Variants in SLC38A8 observed in about 807,000 individuals in gnomAD.
SLC38A8 encodes the protein amino acid transporter SLC38A8.
A neutral mutation model predicts 46.0 loss-of-function variants in SLC38A8; 65 were observed. The observed-to-expected ratio is 1.41, with a 90% CI of 1.16 to 1.74. SLC38A8 has a LOEUF of 1.74. SLC38A8 is among the 40% of genes most tolerant of loss of function. SLC38A8 has a pLI of 0.00. For missense variants in SLC38A8, 998 were observed against 567.9 expected (o/e 1.76, Z -7.70); for synonymous variants, 447 against 243.7 (o/e 1.83, Z -7.77).
intron 10 of SLC38A8, among the ~76,000 whole-genome samples, chr16:84,011,932 C>G (rs1207924787): frequency 6.6e-6 from 1 of 152,082 alleles, no homozygotes; most frequent in African/African-American, 2.4e-5. Flanking sequence ...CGCAGAGACA[C>G]AGGGAGAAAG....
intron 6 of SLC38A8, among the ~76,000 whole-genome samples, chr16:84,026,387 C>T (rs189654765): frequency 1.9e-4 from 29 of 152,282 alleles, no homozygotes; most frequent in Admixed American, 1.4e-3. Flanking sequence ...CCGCCATGCC[C>T]GGCTAATTTT....
intron 6 of SLC38A8, among the ~76,000 whole-genome samples, chr16:84,025,440 C>T (rs2085151090): frequency 6.6e-6 from 1 of 152,178 alleles, no homozygotes; most frequent in African/African-American, 2.4e-5. Flanking sequence ...GGCTGGTTTC[C>T]TCTCTCACAC....
At chr16:84,029,429 G>A (rs62045928) in intron 6 of SLC38A8, 65 bp downstream of exon 6, 133,556 of 1,565,270 alleles carry the variant, frequency 0.085, 7,983 homozygotes, top group African/African-American at 0.3. Context: ...GGTTTCCCAA[G>A]GGAGCAGAGA....
intron 4 of SLC38A8, among the ~76,000 whole-genome samples, chr16:84,032,658 C>T (rs896646503): frequency 1.3e-5 from 2 of 152,214 alleles, no homozygotes. Flanking sequence ...CTGAGTGGCA[C>T]GAGAGCCTTG....
intron 6 of SLC38A8, among the ~76,000 whole-genome samples, chr16:84,025,455 C>G (rs1427421760): frequency 4.6e-5 from 7 of 152,196 alleles, no homozygotes; most frequent in African/African-American, 1.4e-4. Flanking sequence ...TCACACAGCC[C>G]GTGTCCTCAA....
rs1314001520 is a variant in SLC38A8 at position 84,039,742 on chromosome 16, TCAAAAAAAAAAAA to T, written c.189+2214_189+2226del. Among the ~76,000 whole-genome samples, 369 of 27,546 alleles carry T rather than the reference TCAAAAAAAAAAAA, an allele frequency of 0.013. 3 individuals are homozygous for T. In the Middle Eastern group the frequency reaches 0.15, roughly 11 times the overall value. The allele number at this position is 27,546 out of a possible 152,430, so 18.1% of individuals were successfully genotyped here. ...CAGCCTGGGCAAGAGAGTGAGACCTTCAAAAAAAAAAAAAAAAAAAAAAAAAGGCAGGGGAAGG... is the reference window on the plus strand; with the variant it reads ...CAGCCTGGGCAAGAGAGTGAGACCTTAAAAAAAAAAAAAGGCAGGGGAAGG... On this transcript the variant is annotated intron_variant, in intron 2 of 10. Transcript: ENST00000299709.
chr16:84,023,939 T>C (rs2085127235), intron 6 of SLC38A8, among the ~76,000 whole-genome samples: 1 of 152,188 alleles, frequency 6.6e-6, no homozygotes, highest in African/African-American at 2.4e-5. Flanking sequence ...CGTTAATGGA[T>C]GCGAAGTCCA....
chr16:84,018,221 TCC>T (rs2085054403), intron 7 of SLC38A8, among the ~76,000 whole-genome samples: 1 of 139,344 alleles, frequency 7.2e-6, no homozygotes, highest in South Asian at 2.3e-4. Context: ...CAGCCCTCAT[TCC>T]TTTTTTTTTT....
intron 3 of SLC38A8, 104 bp from the exon 4 acceptor site, chr16:84,033,573 A>T (rs531338027): frequency 6.0e-6 from 8 of 1,340,922 alleles, no homozygotes; most frequent in Non-Finnish European, 8.1e-6. Context: ...ATCCACCCTC[A>T]GCCAGCCCCA....
At chr16:84,040,796 G>C (rs967801005) in intron 2 of SLC38A8, among the ~76,000 whole-genome samples, 1 of 151,964 alleles carries the variant, frequency 6.6e-6, no homozygotes, top group Admixed American at 6.6e-5. Flanking sequence ...TGACCCTCCC[G>C]GCATGATCCA....
chr16:84,036,831 TG>T lies in SLC38A8; in HGVS notation c.258del (p.Thr87ProfsTer28). ...AGCCCCCTGACCACACCCTGGTAGG[TG>T]GCCTGGCCACTGACAGCAGCAGCAT... is the stretch of plus-strand genomic sequence containing the variant. ...LGYAAAVSGQ[A>X]TYQGVVRGLC... On this transcript the variant is annotated frameshift_variant, in exon 3 of 11. Coordinates refer to ENST00000299709, the MANE Select transcript of SLC38A8 (RefSeq NM_001080442.3). LOFTEE classifies it high-confidence loss of function. The T allele has an allele frequency of 6.2e-7, 1 of 1,613,928 alleles. No individual in the cohort carries two copies. The highest frequency in any genetic ancestry group is 8.5e-7 in the Non-Finnish European group (1 of 1,180,000).
Position 84,033,448 on chromosome 16 carries a change from C to T in SLC38A8, c.410G>A (p.Gly137Asp). 1 of 1,608,346 alleles carries T rather than the reference C, an allele frequency of 6.2e-7. No homozygotes were observed. Among genetic ancestry groups the T allele is most frequent in the Non-Finnish European group, 8.5e-7 (1 of 1,177,538 alleles). ...CCACGGCTGCGGGGCGGGCGGGGTG[C>T]CAGACAGGAGGGAGTCACACACTGC... Reference protein sequence around the residue: ...LEKLCDSLLSGTPPAPQPWYA... With the variant: ...LEKLCDSLLSDTPPAPQPWYA... Residue 137 changes from glycine to aspartate, a missense_variant, in exon 4 of 11, where the codon GGC (glycine) becomes GAC (aspartate). By Grantham distance (94) the Gly-to-Asp change is moderately conservative. Coordinates refer to ENST00000299709, the MANE Select transcript of SLC38A8 (RefSeq NM_001080442.3).
At position 84,012,807 on chromosome 16, in the gene SLC38A8, T is replaced by C. The variant is rs11149615; in HGVS notation, c.1214+194A>G. Among the ~76,000 whole-genome samples, 54,822 of 151,982 alleles carry C rather than the reference T, an allele frequency of 0.36. 13,756 individuals are homozygous for C. Among genetic ancestry groups the C allele is most frequent in the African/African-American group, 0.72 (29,901 of 41,414 alleles). On this transcript the variant is annotated intron_variant, in intron 10 of 10. Coordinates refer to ENST00000299709, the MANE Select transcript of SLC38A8 (RefSeq NM_001080442.3). ...AAGGGAAGGCCCTTGGAGGACCCGGTGTTACTGGCCCGGGCTCCTATCCTG... is the reference window on the plus strand; with the variant it reads ...AAGGGAAGGCCCTTGGAGGACCCGGCGTTACTGGCCCGGGCTCCTATCCTG...
rs1425894015 is a variant in SLC38A8 at position 84,009,757 on chromosome 16, C to A, written c.*27G>T. On this transcript the variant is annotated 3_prime_UTR_variant, in exon 11 of 11. Transcript: ENST00000299709. ...CACGTAGGGTCAGCCCCCGGAGGGC[C>A]CCTTCCTGCCCGGCACTAGCTGCCC... The A allele has an allele frequency of 1.1e-5, 18 of 1,604,298 alleles. No homozygotes were observed. Among genetic ancestry groups the A allele is most frequent in the Non-Finnish European group, 1.5e-5 (18 of 1,175,048 alleles).
At chr16:84,033,986 G>C (rs11859794) in intron 3 of SLC38A8, among the ~76,000 whole-genome samples, 2,022 of 152,328 alleles carry the variant, frequency 0.013, 48 homozygotes, top group African/African-American at 0.046. Context: ...AGTTAGTACA[G>C]GGCCAGGCTG....
chr16:84,039,618 T>C (rs2085344333), intron 2 of SLC38A8, among the ~76,000 whole-genome samples: 1 of 151,956 alleles, frequency 6.6e-6, no homozygotes, highest in South Asian at 2.1e-4. Context: ...TGGCAGCACA[T>C]GCCTGTAGTC....
chr16:84,031,781 G>C lies in SLC38A8; in HGVS notation c.632+86C>G, dbSNP rs377633139. Reference sequence around the variant, plus strand: ...GCCCAGGCTCTGCAGTGAGCCACGAGAGGCTCCTCCTCCAAGACTCCCCTC... The same window carrying C: ...GCCCAGGCTCTGCAGTGAGCCACGACAGGCTCCTCCTCCAAGACTCCCCTC... On this transcript the variant is annotated intron_variant, in intron 5 of 10. Transcript: ENST00000299709. The C allele has an allele frequency of 3.5e-6, 4 of 1,156,798 alleles. No homozygotes were observed. The Admixed American group carries it at 5.3e-5, about 15-fold the overall frequency. The allele number at this position is 1,156,798 out of a possible 1,614,324, so 71.7% of individuals were successfully genotyped here.
intron 10 of SLC38A8, among the ~76,000 whole-genome samples, chr16:84,010,757 G>C (rs569242161): frequency 6.6e-6 from 1 of 152,076 alleles, no homozygotes; most frequent in South Asian, 2.1e-4. Context: ...AAGAGAAAAA[G>C]ACATGGAGAG....
chr16:84,017,374 T>C lies in SLC38A8; in HGVS notation c.806-87A>G. The C allele has an allele frequency of 2.7e-6, 4 of 1,498,342 alleles. No homozygotes were observed. The South Asian group carries it at 4.9e-5, about 19-fold the overall frequency. The allele number at this position is 1,498,342 out of a possible 1,614,324, so 92.8% of individuals were successfully genotyped here. A position where few individuals can be genotyped will look rare whatever the true frequency, so the allele number is the denominator to read the frequency against. ...CCAACAGACAGACAGCGCCTGGCTT[T>C]ACCACCTAAGATTTTCCTTAGGAGC... On this transcript the variant is annotated intron_variant, in intron 7 of 10. Coordinates refer to ENST00000299709, the MANE Select transcript of SLC38A8 (RefSeq NM_001080442.3).
Sources: allele counts gnomAD v4.1 joint callset (sites outside exome capture counted in the v4.1 genomes callset), GRCh38; gene constraint gnomAD v4.1.1; transcripts MANE v1.5; gene names NCBI Gene and HGNC (gene_info 2026-07-23, HGNC 2026-07-21).